The following NXPH1 variants were observed in gnomAD, a reference collection of about 807,000 sequenced individuals.
The protein encoded by NXPH1 is neurexophilin-1.
A neutral mutation model predicts 23.7 loss-of-function variants in NXPH1; 5 were observed. The observed-to-expected ratio is 0.21, with a 90% confidence interval of 0.11 to 0.44. NXPH1 has a LOEUF of 0.44. Ranked by LOEUF, NXPH1 falls within the 20% of genes least tolerant of loss-of-function variation. The pLI, the probability that NXPH1 is intolerant of heterozygous loss-of-function variation, is 0.99. For synonymous variants in NXPH1, 144 were observed against 122.2 expected, an observed-to-expected ratio of 1.18 and a Z score of -1.18; for missense variants, 324 against 321.6, an observed-to-expected ratio of 1.01 and a Z score of -0.06.
chr7:8,444,874 GTA>G (rs1816372826), intron 2 of NXPH1, among the ~76,000 whole-genome samples: 2 of 152,248 alleles, frequency 1.3e-5, no homozygotes, highest in South Asian at 4.1e-4. Flanking sequence ...AGGCATTAAA[GTA>G]ATACTATCTG....
chr7:8,750,978 G>A, intron 2 of NXPH1, 30 bp from the exon 3 acceptor site: 1 of 1,607,752 alleles, frequency 6.2e-7, no homozygotes. Flanking sequence ...ATGCAGAGAT[G>A]TAAATGCCAT....
intron 2 of NXPH1, among the ~76,000 whole-genome samples, chr7:8,635,053 A>T (rs1464969384): frequency 1.3e-5 from 2 of 152,140 alleles, no homozygotes; most frequent in Non-Finnish European, 2.9e-5. Context: ...AGCTATCTCT[A>T]ATCACATTTG....
intron 2 of NXPH1, among the ~76,000 whole-genome samples, chr7:8,582,046 G>T (rs1356408433): frequency 6.6e-6 from 1 of 152,202 alleles, no homozygotes; most frequent in East Asian, 1.9e-4. Context: ...AGGCATACTG[G>T]CTGCTGTGGC....
rs1487872223 is a variant in NXPH1 at position 8,667,763 on chromosome 7, A to G, written c.55-83245A>G. Among the ~76,000 whole-genome samples the G allele has an allele frequency of 4.6e-5, 7 of 152,176 alleles. No homozygotes were observed. In the South Asian group the frequency reaches 1.5e-3, roughly 32 times the overall value. On this transcript the variant is annotated intron_variant, in intron 2 of 2. Transcript: ENST00000405863. Reference sequence around the variant, plus strand: ...AAGTTTTCTGTGATCACTTATTTGCATAAGCTTTCCACCTCTTTGTCTCTC... The same window carrying G: ...AAGTTTTCTGTGATCACTTATTTGCGTAAGCTTTCCACCTCTTTGTCTCTC...
intron 2 of NXPH1, among the ~76,000 whole-genome samples, chr7:8,560,997 T>G (rs1287796977): frequency 6.6e-6 from 1 of 151,590 alleles, no homozygotes; most frequent in Non-Finnish European, 1.5e-5. Flanking sequence ...CCCTCTGGAT[T>G]GAAATATTAA....
chr7:8,455,535 G>C (rs1422898070), intron 2 of NXPH1, among the ~76,000 whole-genome samples: 1 of 152,174 alleles, frequency 6.6e-6, no homozygotes, highest in East Asian at 1.9e-4. Context: ...AGCTCACAAG[G>C]AGAACAGACT....
At chr7:8,517,722 G>A (rs1002726260) in intron 2 of NXPH1, among the ~76,000 whole-genome samples, 4 of 152,162 alleles carry the variant, frequency 2.6e-5, no homozygotes, top group Non-Finnish European at 5.9e-5. Flanking sequence ...GGTCAGGGAA[G>A]TGGGGAGAGG....
At chr7:8,676,250 A>G (rs531867748) in intron 2 of NXPH1, among the ~76,000 whole-genome samples, 16 of 152,210 alleles carry the variant, frequency 1.1e-4, no homozygotes, top group Non-Finnish European at 2.1e-4. Flanking sequence ...ATTGTGTGCA[A>G]TAATGTAACT....
chr7:8,750,950 A>C (rs1583261392), intron 2 of NXPH1, 58 bp from the exon 3 acceptor site: 3 of 1,518,714 alleles, frequency 2.0e-6, no homozygotes, highest in Non-Finnish European at 9.1e-7. Context: ...AGATCTATGC[A>C]TTGGGTGTTA....
chr7:8,481,741 T>C (rs868794722), intron 2 of NXPH1, among the ~76,000 whole-genome samples: 2 of 152,346 alleles, frequency 1.3e-5, no homozygotes, highest in South Asian at 4.1e-4. Flanking sequence ...GTATATTGCA[T>C]AATGCTGAGG....
intron 2 of NXPH1, among the ~76,000 whole-genome samples, chr7:8,743,839 G>T (rs1318050943): frequency 6.6e-6 from 1 of 151,740 alleles, no homozygotes; most frequent in African/African-American, 2.4e-5. Flanking sequence ...ACCCACCACC[G>T]TGCCCGGCCA....
rs145660624 is a variant in NXPH1, at chr7:8,451,244, T to C, written c.54+15477T>C. 3.0e-4 allele frequency among the ~76,000 whole-genome samples: 45 copies of C among 152,232 alleles called. 1 individual carries two copies. The East Asian group carries it at 8.7e-3, about 29-fold the overall frequency. On this transcript the variant is annotated intron_variant, in intron 2 of 2. Coordinates refer to ENST00000405863, the MANE Select transcript of NXPH1 (RefSeq NM_152745.3). ...CTTGGGAAGTTAAGTGACTGTTCTG[T>C]CTTTCAGAGAGCGGGTGTCTGAATT... is the stretch of plus-strand genomic sequence containing the variant.
chr7:8,590,838 A>G (rs1017799517), intron 2 of NXPH1, among the ~76,000 whole-genome samples: 5 of 152,194 alleles, frequency 3.3e-5, no homozygotes, highest in African/African-American at 1.2e-4. Flanking sequence ...GTATTGAGGA[A>G]TAATGTCAAG....
At chr7:8,593,882 A>G (rs1335621572) in intron 2 of NXPH1, among the ~76,000 whole-genome samples, 4 of 152,108 alleles carry the variant, frequency 2.6e-5, no homozygotes, top group Non-Finnish European at 4.4e-5. Context: ...GTAAAAATAT[A>G]TTTAAAGCAT....
chr7:8,545,034 C>T (rs1347334402), intron 2 of NXPH1, among the ~76,000 whole-genome samples: 3 of 151,548 alleles, frequency 2.0e-5, no homozygotes, highest in Admixed American at 6.6e-5. Flanking sequence ...CAACTTCTTT[C>T]TACTTTCACA....
intron 2 of NXPH1, among the ~76,000 whole-genome samples, chr7:8,714,453 C>G (rs115340332): frequency 9.9e-5 from 15 of 152,044 alleles, no homozygotes; most frequent in African/African-American, 3.1e-4. Context: ...GAGTTGGTGT[C>G]TAAGCTTAAG....
At chr7:8,567,532 A>G (rs1218538076) in intron 2 of NXPH1, among the ~76,000 whole-genome samples, 1 of 151,950 alleles carries the variant, frequency 6.6e-6, no homozygotes, top group East Asian at 1.9e-4. Context: ...AAACTAGAAC[A>G]TTTTTATCCA....
rs1220560297 is a variant in NXPH1 at position 8,708,281 on chromosome 7, TA to T, written c.55-42724del. Reference sequence around the variant, plus strand: ...TCCCCCTTTGCTTATCTAGGTGTTCTAAATTTTGTCATTCGGTCAAAATAGA... The same window carrying T: ...TCCCCCTTTGCTTATCTAGGTGTTCTAATTTTGTCATTCGGTCAAAATAGA... On this transcript the variant is annotated intron_variant, in intron 2 of 2. Coordinates refer to ENST00000405863, the MANE Select transcript of NXPH1 (RefSeq NM_152745.3). Among the ~76,000 whole-genome samples the T allele has an allele frequency of 6.6e-5, 10 of 152,356 alleles. No homozygotes were observed. In the South Asian group the frequency reaches 1.4e-3, roughly 22 times the overall value.
At position 8,435,737 on chromosome 7, in the gene NXPH1, G is replaced by T. The variant is rs918544784; in HGVS notation, c.24G>T (p.Val8=). 2.5e-6 allele frequency: 4 copies of T among 1,613,846 alleles called. No individual in the cohort carries two copies. Among genetic ancestry groups the T allele is most frequent in the Non-Finnish European group, 3.4e-6 (4 of 1,179,882 alleles). The change falls in exon 2 of 3, where the codon GTG becomes GTT. Residue 8 remains valine (V), a synonymous_variant. Coordinates refer to ENST00000405863, the MANE Select transcript of NXPH1 (RefSeq NM_152745.3). This position sits in a 1 kb window ranked among gnomAD's most constrained non-coding sequence, Gnocchi z 5.9. ...GAATGCAGGCTGCGTGCTGGTACGT[G>T]CTTTTCCTCCTGCAGCCCACCGTCT... is the stretch of plus-strand genomic sequence containing the variant. The part of the protein sequence containing the change: MQAACWY[V]LFLLQPTVYL...
Sources: gnomAD v4.1 joint callset for allele counts (sites outside exome capture counted in the v4.1 genomes callset) on GRCh38, gnomAD v4.1.1 for gene constraint, Gnocchi (gnomAD v3.1) non-coding constraint, MANE v1.5 for transcripts, NCBI Gene and HGNC (gene_info 2026-07-23, HGNC 2026-07-21) for gene names.